Variants in CNBD1 observed in about 807,000 individuals in gnomAD.
CNBD1 encodes the protein cyclic nucleotide-binding domain-containing protein 1.
CNBD1 carries 71 observed loss-of-function variants against 54.4 expected under a neutral mutation model. The observed-to-expected ratio is 1.30, with a 90% CI of 1.08 to 1.59. The LOEUF is 1.59. Among genes scored for constraint, CNBD1 ranks in the 40% most tolerant of loss-of-function variants. The probability of loss-of-function intolerance (pLI) is 0.00; values close to 1 mark genes in which losing one functional copy is unlikely to be tolerated. For missense variants in CNBD1, 659 were observed against 518.0 expected, an observed-to-expected ratio of 1.27 and a Z score of -2.64; for synonymous variants, 182 against 170.7, an observed-to-expected ratio of 1.07 and a Z score of -0.51.
Position 87,187,575 on chromosome 8 carries a change from A to G in CNBD1, c.432-18418A>G, listed in dbSNP as rs143708080. ...TGGACTGGAAAAATTTCAAACCAGC[A>G]TTATCAGTCAGCAATCCTGACAAAG... On this transcript the variant is annotated intron_variant, in intron 4 of 10. Transcript: ENST00000518476. Among the ~76,000 whole-genome samples the G allele has an allele frequency of 5.2e-4, 79 of 152,052 alleles. 1 individual carries two copies. Among genetic ancestry groups the G allele is most frequent in the African/African-American group, 1.6e-3 (66 of 41,472 alleles).
At position 87,159,045 on chromosome 8, in the gene CNBD1, A is replaced by AT. The variant is rs201693879; in HGVS notation, c.432-46942dup. Among the ~76,000 whole-genome samples the AT allele has an allele frequency of 3.5e-4, 54 of 152,250 alleles. 1 individual carries two copies. In the East Asian group the frequency reaches 3.7e-3, roughly 10 times the overall value. Reference sequence around the variant, plus strand: ...CATTTTTTTGTAAGATCTAAGTAATATTTTTTGTAGTTAATGAGCTGCCAA... The same window carrying AT: ...CATTTTTTTGTAAGATCTAAGTAATATTTTTTTGTAGTTAATGAGCTGCCAA... On this transcript the variant is annotated intron_variant, in intron 4 of 10. Transcript: ENST00000518476.
At chr8:86,879,850 C>T (rs753677267) in intron 1 of CNBD1, among the ~76,000 whole-genome samples, 9 of 147,970 alleles carry the variant, frequency 6.1e-5, no homozygotes, top group African/African-American at 7.6e-5. Context: ...CCAGCCTGGG[C>T]GACAGAGCGA....
intron 4 of CNBD1, among the ~76,000 whole-genome samples, chr8:87,147,518 A>G (rs1812514709): frequency 1.3e-5 from 2 of 152,070 alleles, no homozygotes; most frequent in African/African-American, 4.8e-5. Context: ...TTTAAAATAT[A>G]TATATTTCTG....
intron 5 of CNBD1, among the ~76,000 whole-genome samples, chr8:87,210,768 C>CATCTGCTGGCT (rs1172598498): frequency 2.0e-5 from 3 of 152,164 alleles, no homozygotes; most frequent in Non-Finnish European, 4.4e-5. Flanking sequence ...GATGCCCAGG[C>CATCTGCTGGCT]AGAAGCCTGC....
At chr8:87,247,303 C>G (rs1426657564) in intron 6 of CNBD1, among the ~76,000 whole-genome samples, 1 of 152,154 alleles carries the variant, frequency 6.6e-6, no homozygotes, top group Non-Finnish European at 1.5e-5. Flanking sequence ...GGGCTCTTTT[C>G]TGGTTTGGAA....
At chr8:87,417,861 A>G (rs1807861911) in intron 2 of CNBD1, among the ~76,000 whole-genome samples, 2 of 151,544 alleles carry the variant, frequency 1.3e-5, no homozygotes, top group South Asian at 2.1e-4. Context: ...ATAAATGTTT[A>G]ACTTGGATAT....
At chr8:87,414,099 A>G (rs979706126) in intron 2 of CNBD1, among the ~76,000 whole-genome samples, 1 of 152,136 alleles carries the variant, frequency 6.6e-6, no homozygotes, top group African/African-American at 2.4e-5. Context: ...ACTATTCACA[A>G]TAGCAAAGAC....
At chr8:87,129,860 C>G (rs892712900) in intron 4 of CNBD1, among the ~76,000 whole-genome samples, 1 of 151,822 alleles carries the variant, frequency 6.6e-6, no homozygotes, top group African/African-American at 2.4e-5. Flanking sequence ...AAAGACATAC[C>G]CAAGACTGGG....
intron 2 of CNBD1, among the ~76,000 whole-genome samples, chr8:86,888,429 T>C (rs145898304): frequency 6.6e-6 from 1 of 152,118 alleles, no homozygotes; most frequent in South Asian, 2.1e-4. Context: ...GAGTAAAGAA[T>C]GAAGTCCACA....
chr8:87,012,404 T>A (rs1030960906), intron 4 of CNBD1, among the ~76,000 whole-genome samples: 2 of 152,190 alleles, frequency 1.3e-5, no homozygotes, highest in Non-Finnish European at 2.9e-5. Flanking sequence ...GACTTACTTT[T>A]GAACCTAACT....
intron 4 of CNBD1, among the ~76,000 whole-genome samples, chr8:87,153,944 C>A (rs898671853): frequency 6.6e-6 from 1 of 151,980 alleles, no homozygotes; most frequent in African/African-American, 2.4e-5. Context: ...TATGGGAAGG[C>A]CAGAGAGACA....
At chr8:87,195,983 C>CT (rs1292360960) in intron 4 of CNBD1, among the ~76,000 whole-genome samples, 20 of 152,074 alleles carry the variant, frequency 1.3e-4, no homozygotes, top group Admixed American at 2.0e-4. Context: ...AAGTTAATGG[C>CT]TTTTTTTATG....
intron 2 of CNBD1, among the ~76,000 whole-genome samples, chr8:87,420,397 C>T (rs1489768425): frequency 6.6e-6 from 1 of 152,026 alleles, no homozygotes; most frequent in African/African-American, 2.4e-5. Context: ...AGGAAACAAT[C>T]ATTCTTTTAT....
intron 2 of CNBD1, among the ~76,000 whole-genome samples, chr8:87,406,758 G>A (rs1027461178): frequency 1.3e-5 from 2 of 151,996 alleles, no homozygotes; most frequent in Non-Finnish European, 2.9e-5. Context: ...GATTACAGGG[G>A]AAAGCCACCG....
At chr8:87,035,730 CTCTG>C (rs1407921952) in intron 4 of CNBD1, among the ~76,000 whole-genome samples, 1 of 152,130 alleles carries the variant, frequency 6.6e-6, no homozygotes, top group Non-Finnish European at 1.5e-5. Context: ...AACTTTGCTT[CTCTG>C]TCATATAAAT....
chr8:87,014,360 G>A (rs564569015), intron 4 of CNBD1, among the ~76,000 whole-genome samples: 168 of 151,430 alleles, frequency 1.1e-3, no homozygotes, highest in African/African-American at 3.9e-3. Flanking sequence ...AGTTATAAAC[G>A]ATAAAACCCA....
intron 10 of CNBD1, among the ~76,000 whole-genome samples, chr8:87,367,078 T>A (rs760736885): frequency 9.9e-5 from 15 of 152,044 alleles, no homozygotes; most frequent in Non-Finnish European, 2.1e-4. Context: ...CTCTCACTAA[T>A]ATACCATTGG....
intron 4 of CNBD1, among the ~76,000 whole-genome samples, chr8:87,157,067 C>A (rs1656317993): frequency 2.6e-5 from 4 of 152,104 alleles, no homozygotes; most frequent in Admixed American, 2.6e-4. Flanking sequence ...TAGAACAAGT[C>A]TCTGCATGCA....
intron 2 of CNBD1, among the ~76,000 whole-genome samples, chr8:86,892,702 T>G (rs1808787777): frequency 6.6e-6 from 1 of 151,934 alleles, no homozygotes. Context: ...GAGACAATTA[T>G]GATGATTTTA....
Sources: allele counts gnomAD v4.1 joint callset (sites outside exome capture counted in the v4.1 genomes callset), GRCh38; gene constraint gnomAD v4.1.1; transcripts MANE v1.5; gene names NCBI Gene and HGNC (gene_info 2026-07-23, HGNC 2026-07-21).